The following PDSS2 variants were observed in gnomAD, a reference collection of about 807,000 sequenced individuals.
The protein encoded by PDSS2 is decaprenyl diphosphate synthase subunit 2, also known as all trans-polyprenyl-diphosphate synthase PDSS2.
Under a neutral mutation model 44.5 loss-of-function variants are expected in PDSS2, and 31 were observed. The observed-to-expected ratio is 0.70, with a 90% CI of 0.52 to 0.94. PDSS2 has a LOEUF of 0.94. Ranked by LOEUF, PDSS2 falls within the 40% of genes least tolerant of loss-of-function variation. The pLI is 0.00. For synonymous variants in PDSS2, 157 were observed against 180.3 expected (o/e 0.87, Z 1.03); for missense variants, 452 against 482.2 (o/e 0.94, Z 0.59).
rs1486278155 is a variant in PDSS2, at chr6:107,288,743, G to A, written c.432-14516C>T. Among the ~76,000 whole-genome samples, 4 of 149,212 alleles carry A rather than the reference G, an allele frequency of 2.7e-5. No homozygotes were observed. In the East Asian group the frequency reaches 8.1e-4, roughly 30 times the overall value. ...GGGGCTGGACAATATGAAGATGCCG[G>A]GACGAAATTGTTTTTTTTTTTTTTT... On this transcript the variant is annotated intron_variant, in intron 2 of 7. Coordinates refer to ENST00000369037, the MANE Select transcript of PDSS2 (RefSeq NM_020381.4).
chr6:107,238,944 C>G (rs1212437327), intron 4 of PDSS2, among the ~76,000 whole-genome samples: 3 of 151,894 alleles, frequency 2.0e-5, no homozygotes, highest in Admixed American at 1.3e-4. Context: ...AAGTTATATA[C>G]AGTAAGATGT....
intron 3 of PDSS2, among the ~76,000 whole-genome samples, chr6:107,272,208 C>T (rs1039208919): frequency 1.3e-5 from 2 of 151,952 alleles, no homozygotes; most frequent in African/African-American, 2.4e-5. Context: ...TGGGGATCTA[C>T]CAAATTCATC....
intron 5 of PDSS2, among the ~76,000 whole-genome samples, chr6:107,211,462 T>A (rs897082572): frequency 2.6e-5 from 4 of 152,182 alleles, no homozygotes; most frequent in African/African-American, 7.2e-5. Flanking sequence ...CCAGGCGTGG[T>A]GGCTCACACC....
chr6:107,319,509 C>T (rs1777316800), intron 2 of PDSS2, among the ~76,000 whole-genome samples: 1 of 152,004 alleles, frequency 6.6e-6, no homozygotes, highest in Non-Finnish European at 1.5e-5. Context: ...CAACGTGGTA[C>T]CTGACGTTAG....
intron 7 of PDSS2, among the ~76,000 whole-genome samples, chr6:107,173,518 G>A (rs1771669752): frequency 7.3e-6 from 1 of 136,616 alleles, no homozygotes; most frequent in Non-Finnish European, 1.5e-5. Flanking sequence ...AGGTTGCAGT[G>A]AGCCGAGATC....
intron 4 of PDSS2, among the ~76,000 whole-genome samples, chr6:107,225,202 C>T (rs1773779749): frequency 1.0e-5 from 1 of 99,546 alleles, no homozygotes; most frequent in Non-Finnish European, 1.8e-5. Flanking sequence ...GACAGAGTGT[C>T]ACTCTGTTGC....
At chr6:107,375,879 G>T (rs1190428607) in intron 1 of PDSS2, among the ~76,000 whole-genome samples, 1 of 152,164 alleles carries the variant, frequency 6.6e-6, no homozygotes, top group Non-Finnish European at 1.5e-5. Context: ...TTTAACATTT[G>T]TATGAAGAAA....
chr6:107,260,134 T>C (rs987017848), intron 3 of PDSS2, among the ~76,000 whole-genome samples: 1 of 152,190 alleles, frequency 6.6e-6, no homozygotes, highest in African/African-American at 2.4e-5. Context: ...TTTCACAGTT[T>C]ACAATATCAG....
chr6:107,242,438 A>T (rs899857928), intron 4 of PDSS2, among the ~76,000 whole-genome samples: 1 of 151,970 alleles, frequency 6.6e-6, no homozygotes, highest in Non-Finnish European at 1.5e-5. Flanking sequence ...TAATTTTTTT[A>T]TATTTTTAGT....
intron 1 of PDSS2, among the ~76,000 whole-genome samples, chr6:107,444,743 G>T (rs1781614359): frequency 6.6e-6 from 1 of 152,088 alleles, no homozygotes; most frequent in South Asian, 2.1e-4. Context: ...ATTTTACCAT[G>T]CAGAAAGGAC....
chr6:107,203,807 T>C (rs1451067620), intron 6 of PDSS2, among the ~76,000 whole-genome samples: 3 of 152,256 alleles, frequency 2.0e-5, no homozygotes, highest in Admixed American at 1.3e-4. Flanking sequence ...TTAAACAGTC[T>C]CTCCCGCTTC....
chr6:107,286,837 G>A (rs1042440117), intron 2 of PDSS2, among the ~76,000 whole-genome samples: 4 of 152,020 alleles, frequency 2.6e-5, no homozygotes, highest in Admixed American at 1.3e-4. Flanking sequence ...TCAAAAGATC[G>A]AGACCATCCT....
chr6:107,448,131 G>A (rs187079882), intron 1 of PDSS2, among the ~76,000 whole-genome samples: 166 of 152,242 alleles, frequency 1.1e-3, no homozygotes, highest in African/African-American at 3.8e-3. Context: ...TCTCTCATAG[G>A]CCTCTAGGTC....
At chr6:107,192,460 A>C (rs887256201) in intron 7 of PDSS2, 29 of 442,928 alleles carry the variant, frequency 6.5e-5, no homozygotes, top group Non-Finnish European at 1.3e-4. Flanking sequence ...AAAAGACCTG[A>C]GACAGACTCC....
rs62428374 is a variant in PDSS2 at position 107,450,346 on chromosome 6, T to C, written c.296+8644A>G. 9.9e-3 allele frequency among the ~76,000 whole-genome samples: 1,512 copies of C among 152,226 alleles called. 13 individuals carry two copies. The highest frequency in any genetic ancestry group is 0.013 in the Non-Finnish European group (864 of 68,018). ...GAGGATAAATTAAAGAAAGGAAAAC[T>C]ATGAATGTAGGGGGAAGAATGTTGA... is the stretch of plus-strand genomic sequence containing the variant. On this transcript the variant is annotated intron_variant, in intron 1 of 7. Coordinates refer to ENST00000369037, the MANE Select transcript of PDSS2 (RefSeq NM_020381.4).
Position 107,415,746 on chromosome 6 carries a change from T to C in PDSS2, c.296+43244A>G, listed in dbSNP as rs190044075. Among the ~76,000 whole-genome samples, 307 of 152,358 alleles carry C rather than the reference T, an allele frequency of 2.0e-3. 1 individual carries two copies. The highest frequency in any genetic ancestry group is 3.3e-3 in the Non-Finnish European group (227 of 68,032). On this transcript the variant is annotated intron_variant, in intron 1 of 7. Coordinates refer to ENST00000369037, the MANE Select transcript of PDSS2 (RefSeq NM_020381.4). ...AAGATTTGCATCAACTGGGAAAATG[T>C]AATGCTTCCGACTTCCAAATTACTC...
intron 1 of PDSS2, among the ~76,000 whole-genome samples, chr6:107,397,169 G>A (rs1202616295): frequency 7.8e-6 from 1 of 128,106 alleles, no homozygotes. Flanking sequence ...TGGATCCCCA[G>A]GGGTCCTGAG....
rs58114484 is a variant in PDSS2, at chr6:107,445,187, T to TA, written c.296+13802_296+13803insT. 7.8e-3 allele frequency among the ~76,000 whole-genome samples: 1,181 copies of TA among 151,182 alleles called. 44 individuals are homozygous for TA. The East Asian group carries it at 0.11, about 15-fold the overall frequency. On this transcript the variant is annotated intron_variant, in intron 1 of 7. Transcript: ENST00000369037. Reference sequence around the variant, plus strand: ...ATATAATTTTTTATAAATTACATATTTTATATATATATATATTGCACAAGT... The same window carrying TA: ...ATATAATTTTTTATAAATTACATATTATTATATATATATATATTGCACAAGT...
At chr6:107,458,887 G>C (rs1349635945) in intron 1 of PDSS2, 103 bp downstream of exon 1, 3 of 995,580 alleles carry the variant, frequency 3.0e-6, no homozygotes, top group Non-Finnish European at 3.1e-6. Context: ...ACTAAAAAGA[G>C]ATAAATCAGG....
Sources: gnomAD v4.1 joint callset for allele counts (sites outside exome capture counted in the v4.1 genomes callset) on GRCh38, gnomAD v4.1.1 for gene constraint, MANE v1.5 for transcripts, NCBI Gene and HGNC (gene_info 2026-07-23, HGNC 2026-07-21) for gene names.